ITIH5: variants seen among roughly 807,000 people sequenced by gnomAD.
ITIH5 encodes inter-alpha-trypsin inhibitor heavy chain H5.
In ITIH5, 65 loss-of-function variants were observed where a neutral mutation model predicts 77.5. That is an observed-to-expected ratio of 0.84 (90% CI 0.69 to 1.03). The LOEUF (loss-of-function observed/expected upper bound fraction) is 1.03, where lower values mean the gene tolerates loss of function less well. Ranked by LOEUF, ITIH5 falls within the 50% of genes least tolerant of loss-of-function variation. The pLI is 0.00. For missense variants in ITIH5, 1,208 were observed against 1,213.1 expected (o/e 1.00, Z 0.06); for synonymous variants, 525 against 494.3 (o/e 1.06, Z -0.82).
At chr10:7,649,674 A>G (rs1834066039) in intron 2 of ITIH5, among the ~76,000 whole-genome samples, 1 of 152,252 alleles carries the variant, frequency 6.6e-6, no homozygotes, top group African/African-American at 2.4e-5. Flanking sequence ...AAGAGAACAG[A>G]AAGAACACTC....
At chr10:7,628,535 T>C (rs1833624622) in intron 5 of ITIH5, among the ~76,000 whole-genome samples, 1 of 152,256 alleles carries the variant, frequency 6.6e-6, no homozygotes, top group South Asian at 2.1e-4. Flanking sequence ...TTGTGGCATG[T>C]GTCCATGTGA....
intron 2 of ITIH5, among the ~76,000 whole-genome samples, chr10:7,649,741 G>T (rs1834067186): frequency 6.6e-6 from 1 of 152,184 alleles, no homozygotes; most frequent in Admixed American, 6.6e-5. Context: ...CCAGATCAAT[G>T]ACTAGAAAAG....
intron 5 of ITIH5, among the ~76,000 whole-genome samples, chr10:7,633,589 A>C (rs1298885444): frequency 6.6e-6 from 1 of 152,212 alleles, no homozygotes; most frequent in Non-Finnish European, 1.5e-5. Flanking sequence ...TCCATAATTA[A>C]ATATGAGACC....
At position 7,637,421 on chromosome 10, in the gene ITIH5, G is replaced by A. The variant is rs143688819; in HGVS notation, c.459C>T (p.Ala153=). Residue 153 remains alanine, a synonymous_variant, in exon 5 of 14, where the codon GCC becomes GCT. Transcript: ENST00000397146. ...GCTCCTCATAACTCAGGAAAAAGGC[G>A]GCTTTGTCCTTGCTGGGAATCACTG... ...ASAVIPSKDK[A]AFFLSYEELL... The A allele has an allele frequency of 7.4e-6, 12 of 1,613,818 alleles. No homozygotes were observed. The highest frequency in any genetic ancestry group is 2.7e-5 in the African/African-American group (2 of 74,892).
chr10:7,582,034 C>T (rs982998230), intron 8 of ITIH5, among the ~76,000 whole-genome samples: 1 of 151,790 alleles, frequency 6.6e-6, no homozygotes, highest in African/African-American at 2.4e-5. Context: ...CGCCACCATG[C>T]CTGGCTAATT....
Position 7,559,712 on chromosome 10 carries a change from G to A in ITIH5, c.*3371C>T, listed in dbSNP as rs1832003833. 2.3e-6 allele frequency: 1 copy of A among 427,178 alleles called. No individual in the cohort carries two copies. The highest frequency in any genetic ancestry group is 4.6e-6 in the Non-Finnish European group (1 of 215,866). The allele number at this position is 427,178 out of a possible 1,614,324, so 26.5% of individuals were successfully genotyped here. On this transcript the variant is annotated 3_prime_UTR_variant, in exon 14 of 14. Coordinates refer to ENST00000397146, the MANE Select transcript of ITIH5 (RefSeq NM_030569.7). Reference sequence around the variant, plus strand: ...CACATTTATTTCTCACAGTTCTGGAGGCTGGGAGGTCCAAGATCAAGGTGC... The same window carrying A: ...CACATTTATTTCTCACAGTTCTGGAAGCTGGGAGGTCCAAGATCAAGGTGC...
intron 10 of ITIH5, among the ~76,000 whole-genome samples, 196 bp from the exon 11 acceptor site, chr10:7,573,391 G>T (rs1832343664): frequency 6.6e-6 from 1 of 151,872 alleles, no homozygotes; most frequent in African/African-American, 2.4e-5. Context: ...GCAGAGCCAG[G>T]CATGGTGGCT....
At chr10:7,608,925 T>C (rs546304961) in intron 7 of ITIH5, among the ~76,000 whole-genome samples, 5 of 123,404 alleles carry the variant, frequency 4.1e-5, no homozygotes, top group African/African-American at 1.8e-4. Context: ...GACATCTGTG[T>C]GCACTCACCT....
At position 7,654,838 on chromosome 10, in the gene ITIH5, C is replaced by T. The variant is rs1834154533; in HGVS notation, c.135+793G>A. 2.6e-5 allele frequency among the ~76,000 whole-genome samples: 4 copies of T among 151,898 alleles called. No homozygotes were observed. In the South Asian group the frequency reaches 8.3e-4, roughly 32 times the overall value. ...CATGTTTAGGTACATATGTCATTGT[C>T]TAGGATTATGTGAACATGGAGAAAA... is the stretch of plus-strand genomic sequence containing the variant. On this transcript the variant is annotated intron_variant, in intron 2 of 13. Transcript: ENST00000397146.
intron 10 of ITIH5, 71 bp downstream of exon 10, chr10:7,576,382 T>C: frequency 1.5e-6 from 2 of 1,305,686 alleles, no homozygotes; most frequent in Non-Finnish European, 2.0e-6. Context: ...CTGCTGGGGC[T>C]TCCTGTGGAG....
chr10:7,597,942 A>AAT (rs1410979751), intron 7 of ITIH5, among the ~76,000 whole-genome samples: 1 of 152,132 alleles, frequency 6.6e-6, no homozygotes, highest in Non-Finnish European at 1.5e-5. Flanking sequence ...GGAGTAAGGC[A>AAT]ATAAATTGAG....
chr10:7,621,567 A>G (rs1463882911), intron 5 of ITIH5: 1 of 152,172 alleles, frequency 6.6e-6, no homozygotes, highest in African/African-American at 2.4e-5. Flanking sequence ...CCTGAGGCCA[A>G]CCACCACCCA....
intron 7 of ITIH5, among the ~76,000 whole-genome samples, chr10:7,597,043 T>TAAAAAAAAAAAAA (rs1193674092): frequency 2.6e-5 from 1 of 38,156 alleles, no homozygotes. Flanking sequence ...AGTCTCCAAC[T>TAAAAAAAAAAAAA]CAAAAAAAAA....
chr10:7,574,861 T>C (rs905914340), intron 10 of ITIH5, among the ~76,000 whole-genome samples: 1 of 150,494 alleles, frequency 6.6e-6, no homozygotes, highest in Non-Finnish European at 1.5e-5. Context: ...TCCTCCTCTG[T>C]CTTTCTGGCC....
Position 7,617,282 on chromosome 10 carries a change from T to C in ITIH5, c.653A>G (p.Asp218Gly), listed in dbSNP as rs1833387866. 6.5e-7 allele frequency: 1 copy of C among 1,533,608 alleles called. No individual in the cohort carries two copies. ...SRQRGSGRGEDDSGPPPSTVI... is the reference protein window; with the variant it reads ...SRQRGSGRGEGDSGPPPSTVI... The stretch of plus-strand genomic sequence containing the variant: ...AGTAGATGGGGGAGGCCCAGAATCA[T>C]CTGCAAACAAGATAGAAACATAATT... The change falls in exon 6 of 14, where the codon GAT (aspartate) becomes GGT (glycine). Residue 218 changes from aspartate (D) to glycine (G), a missense_variant and splice_region_variant. Asp to Gly is a moderately conservative substitution (Grantham distance 94). Coordinates refer to ENST00000397146, the MANE Select transcript of ITIH5 (RefSeq NM_030569.7).
chr10:7,568,937 C>T (rs895217073), intron 12 of ITIH5, among the ~76,000 whole-genome samples: 5 of 151,096 alleles, frequency 3.3e-5, no homozygotes, highest in Non-Finnish European at 5.9e-5. Flanking sequence ...GGCATCACAG[C>T]TTTTGAATGG....
At chr10:7,612,988 T>C (rs1833281658) in intron 7 of ITIH5, among the ~76,000 whole-genome samples, 1 of 152,172 alleles carries the variant, frequency 6.6e-6, no homozygotes, top group Non-Finnish European at 1.5e-5. Context: ...CTCATGCCTG[T>C]AATCCCAGCA....
At position 7,640,755 on chromosome 10, in the gene ITIH5, C is replaced by T. The variant is rs1260028417; in HGVS notation, c.400G>A (p.Gly134Arg). ...ATTCCTTAATTAACCAATACTTACC[C>T]ATTTTCTTCTGTGGTTTTATTCCTT... Reference protein sequence around the residue: ...EKRNKTTEENGEKGTEIFRAS... With the variant: ...EKRNKTTEENREKGTEIFRAS... The change falls in exon 4 of 14, where the codon GGA becomes AGA. Residue 134 changes from glycine to arginine, a missense_variant and splice_region_variant. Coordinates refer to ENST00000397146, the MANE Select transcript of ITIH5 (RefSeq NM_030569.7). 4 of 1,598,170 alleles carry T rather than the reference C, an allele frequency of 2.5e-6. No homozygotes were observed. The highest frequency in any genetic ancestry group is 3.4e-6 in the Non-Finnish European group (4 of 1,165,884).
rs980871736 is a variant in ITIH5, at chr10:7,585,962, T to A, written c.1047A>T (p.Ser349=). 1 of 1,614,112 alleles carries A rather than the reference T, an allele frequency of 6.2e-7. No homozygotes were observed. The highest frequency in any genetic ancestry group is 1.6e-4 in the Middle Eastern group (1 of 6,062). Residue 349 remains serine, a synonymous_variant, in exon 8 of 14, where the codon TCA becomes TCT. Coordinates refer to ENST00000397146, the MANE Select transcript of ITIH5 (RefSeq NM_030569.7). ...RIKVWKDHLI[S]VTPDSIRDGK... The stretch of plus-strand genomic sequence containing the variant: ...CATCCCTGATGCTGTCTGGAGTGAC[T>A]GATATCAAGTGGTCCTTCCATACTT...
Sources: allele counts gnomAD v4.1 joint callset (sites outside exome capture counted in the v4.1 genomes callset), GRCh38; gene constraint gnomAD v4.1.1; transcripts MANE v1.5; gene names NCBI Gene and HGNC (gene_info 2026-07-23, HGNC 2026-07-21).